Variants in AHI1 observed in about 807,000 individuals in gnomAD.
AHI1 encodes the protein Abelson helper integration site 1.
Under a neutral mutation model 149.3 loss-of-function variants are expected in AHI1, and 123 were observed. That is an observed-to-expected ratio of 0.82 (90% CI 0.71 to 0.96). The LOEUF (loss-of-function observed/expected upper bound fraction) is 0.96, where lower values mean the gene tolerates loss of function less well. AHI1 is among the 40% of genes least tolerant of loss of function. AHI1 has a pLI of 0.00. For missense variants in AHI1, 1,439 were observed against 1,422.7 expected (o/e 1.01, Z -0.18); for synonymous variants, 475 against 459.8 (o/e 1.03, Z -0.42).
chr6:135,310,477 C>G (rs1482664654), intron 26 of AHI1, among the ~76,000 whole-genome samples: 1 of 152,150 alleles, frequency 6.6e-6, no homozygotes, highest in Non-Finnish European at 1.5e-5. Context: ...TTGTTTTGAA[C>G]TAGGCAAGAA....
intron 22 of AHI1, among the ~76,000 whole-genome samples, chr6:135,397,847 C>A (rs1779443078): frequency 6.6e-6 from 1 of 151,996 alleles, no homozygotes; most frequent in South Asian, 2.1e-4. Context: ...TATGAAGTTT[C>A]AAGCTGTGAT....
At chr6:135,343,513 T>C (rs1164666151) in intron 24 of AHI1, among the ~76,000 whole-genome samples, 1 of 151,738 alleles carries the variant, frequency 6.6e-6, no homozygotes, top group Non-Finnish European at 1.5e-5. Flanking sequence ...ATTAAAACCG[T>C]GTAATGCTGA....
At position 135,448,385 on chromosome 6, in the gene AHI1, C is replaced by T. The variant is rs757891165; in HGVS notation, c.1531G>A (p.Val511Ile). ...PPTKPRSPLS[V>I]VEAFEWWSKC... ...GACCACCATTCAAATGCCTCAACAA[C>T]ACTTAATGGGGATCGAGGCTTAGTA... The change falls in exon 12 of 29, where the codon GTT becomes ATT. Residue 511 changes from valine (V) to isoleucine (I), a missense_variant. By Grantham distance (29) the Val-to-Ile change is conservative (BLOSUM62 3). Coordinates refer to ENST00000265602, the MANE Select transcript of AHI1 (RefSeq NM_001134831.2). 4.3e-6 allele frequency: 7 copies of T among 1,609,406 alleles called. No homozygotes were observed. In the Admixed American group the frequency reaches 5.0e-5, roughly 11 times the overall value.
intron 23 of AHI1, among the ~76,000 whole-genome samples, chr6:135,377,466 T>G (rs182113828): frequency 0.01 from 1,432 of 138,210 alleles, 17 homozygotes; most frequent in African/African-American, 0.044. Context: ...CTTTGAGTTA[T>G]TTATTTATTT....
chr6:135,390,024 TA>T (rs1778252944), intron 23 of AHI1, among the ~76,000 whole-genome samples: 5 of 152,212 alleles, frequency 3.3e-5, no homozygotes, highest in South Asian at 4.1e-4. Context: ...TTTTTTATTT[TA>T]TTTTTTTTAA....
chr6:135,430,313 A>AT (rs1177912699), intron 17 of AHI1, among the ~76,000 whole-genome samples: 2 of 151,922 alleles, frequency 1.3e-5, no homozygotes, highest in African/African-American at 2.4e-5. Flanking sequence ...GTAACATTAC[A>AT]TTTTTTGTTT....
chr6:135,418,094 A>G (rs1782645396), intron 20 of AHI1, among the ~76,000 whole-genome samples: 1 of 151,978 alleles, frequency 6.6e-6, no homozygotes, highest in Non-Finnish European at 1.5e-5. Flanking sequence ...ATTTAGCTCT[A>G]CTCTAACCTG....
At chr6:135,489,014 A>G (rs1025761211) in intron 5 of AHI1, among the ~76,000 whole-genome samples, 1 of 152,182 alleles carries the variant, frequency 6.6e-6, no homozygotes, top group Non-Finnish European at 1.5e-5. Context: ...AAATATATAT[A>G]AAGTGTTTAG....
rs562958927 is a variant in AHI1 at position 135,404,447 on chromosome 6, A to G, written c.2988+504T>C. On this transcript the variant is annotated intron_variant, in intron 22 of 28. Transcript: ENST00000265602. ...CAGTCTCCTCCTTTCTAAAATTGGA[A>G]TAACAATTATATCTAATCCATCTCT... Among the ~76,000 whole-genome samples the G allele has an allele frequency of 1.4e-4, 21 of 152,366 alleles. No homozygotes were observed. In the East Asian group the frequency reaches 4.0e-3, roughly 29 times the overall value.
chr6:135,463,423 T>C lies in AHI1; in HGVS notation c.750-117A>G, dbSNP rs141488509. ...AAAGATAATCCTAAAATCACTATTA[T>C]TGTCTCTTGAGAGATGCATGTATTT... On this transcript the variant is annotated intron_variant, in intron 7 of 28. Coordinates refer to ENST00000265602, the MANE Select transcript of AHI1 (RefSeq NM_001134831.2). The C allele has an allele frequency of 4.2e-4, 362 of 863,788 alleles. No individual in the cohort carries two copies. The African/African-American group carries it at 5.6e-3, about 13-fold the overall frequency. 53.5% of individuals were successfully genotyped at this position (863,788 alleles called of 1,614,324 possible).
chr6:135,376,200 A>G (rs1220468490), intron 23 of AHI1, among the ~76,000 whole-genome samples: 5 of 152,156 alleles, frequency 3.3e-5, no homozygotes, highest in African/African-American at 4.8e-5. Context: ...GCCCACTACA[A>G]TAATTATTTC....
intron 24 of AHI1, among the ~76,000 whole-genome samples, chr6:135,350,306 T>C (rs1286269869): frequency 6.6e-6 from 1 of 152,132 alleles, no homozygotes; most frequent in Non-Finnish European, 1.5e-5. Context: ...TTTCCATACT[T>C]GCATTGGTTT....
At chr6:135,318,302 T>C (rs1263945553) in intron 26 of AHI1, 3 of 451,324 alleles carry the variant, frequency 6.6e-6, no homozygotes, top group Non-Finnish European at 1.2e-5. Context: ...AGGCTGTGAC[T>C]TGGAGTCTAC....
intron 23 of AHI1, among the ~76,000 whole-genome samples, chr6:135,365,035 A>G (rs1389230917): frequency 6.6e-6 from 1 of 152,158 alleles, no homozygotes; most frequent in Non-Finnish European, 1.5e-5. Flanking sequence ...ATTCTTCTAC[A>G]TGTGGCTTGC....
At chr6:135,366,914 G>A (rs764787673) in intron 23 of AHI1, among the ~76,000 whole-genome samples, 33 of 152,046 alleles carry the variant, frequency 2.2e-4, no homozygotes, top group South Asian at 6.2e-4. Flanking sequence ...AGGCATTTAC[G>A]GCTATGAACT....
At chr6:135,447,566 T>A (rs540397153) in intron 12 of AHI1, among the ~76,000 whole-genome samples, 137 of 152,182 alleles carry the variant, frequency 9.0e-4, no homozygotes, top group Non-Finnish European at 1.8e-3. Flanking sequence ...AAATAATAGA[T>A]TTAACTCCAT....
chr6:135,358,098 A>T (rs754345496), intron 24 of AHI1, 34 bp downstream of exon 24: 1 of 1,597,194 alleles, frequency 6.3e-7, no homozygotes, highest in East Asian at 2.2e-5. Context: ...TACTTTCTTA[A>T]CACTTTTAAC....
chr6:135,414,153 G>A (rs992219799), intron 20 of AHI1, among the ~76,000 whole-genome samples: 1 of 152,114 alleles, frequency 6.6e-6, no homozygotes, highest in South Asian at 2.1e-4. Context: ...ATAGTATAGA[G>A]TGCCCAGGGT....
chr6:135,401,774 G>A (rs1303751930), intron 22 of AHI1, among the ~76,000 whole-genome samples: 1 of 152,092 alleles, frequency 6.6e-6, no homozygotes, highest in Non-Finnish European at 1.5e-5. Flanking sequence ...TGTGACACAA[G>A]GCTAGAAAAT....
Sources: allele counts gnomAD v4.1 joint callset (sites outside exome capture counted in the v4.1 genomes callset), GRCh38; gene constraint gnomAD v4.1.1; transcripts MANE v1.5; gene names NCBI Gene and HGNC (gene_info 2026-07-23, HGNC 2026-07-21).